The following DNAH14 variants were observed in gnomAD, a reference collection of about 807,000 sequenced individuals.
The protein encoded by DNAH14 is dynein axonemal heavy chain 14, also known as axonemal beta dynein heavy chain 14.
In DNAH14, 478 loss-of-function variants were observed where a neutral mutation model predicts 520.9. The ratio of observed to expected loss-of-function variants is 0.92; its 90% CI spans 0.85 to 0.99. The LOEUF (loss-of-function observed/expected upper bound fraction) is 0.99. DNAH14 is among the 50% of genes least tolerant of loss of function. The pLI is 0.00. For missense variants in DNAH14, 4,831 were observed against 5,234.5 expected, an observed-to-expected ratio of 0.92 and a Z score of 2.38; for synonymous variants, 1,581 against 1,757.2, an observed-to-expected ratio of 0.90 and a Z score of 2.51.
At chr1:225,263,876 G>T (rs1044439946) in intron 46 of DNAH14, among the ~76,000 whole-genome samples, 1 of 152,064 alleles carries the variant, frequency 6.6e-6, no homozygotes, top group African/African-American at 2.4e-5. Context: ...ATGGGTCTTT[G>T]CTGAGTGATC....
intron 77 of DNAH14, 94 bp downstream of exon 77, chr1:225,368,126 C>A: frequency 9.0e-7 from 1 of 1,108,400 alleles, no homozygotes; most frequent in Non-Finnish European, 1.3e-6. Context: ...GAGTGTTTTA[C>A]ATGGTGGTAA....
At chr1:225,071,968 C>T (rs187313188) in intron 17 of DNAH14, among the ~76,000 whole-genome samples, 26 of 152,108 alleles carry the variant, frequency 1.7e-4, no homozygotes, top group Admixed American at 9.8e-4. Context: ...ACCATATCAC[C>T]GCCTTTAACA....
intron 34 of DNAH14, among the ~76,000 whole-genome samples, chr1:225,155,283 T>C (rs551279350): frequency 2.1e-4 from 32 of 152,260 alleles, no homozygotes; most frequent in Non-Finnish European, 3.4e-4. Context: ...AAAGGATCTA[T>C]CAACATGATA....
chr1:225,027,409 C>G lies in DNAH14; in HGVS notation c.1358+3544C>G, dbSNP rs116035501. Reference sequence around the variant, plus strand: ...TGGGTTTTTCACAGATGCTTCCTATCAAGTTGAGGAAGTTCCTGTCTGTAT... The same window carrying G: ...TGGGTTTTTCACAGATGCTTCCTATGAAGTTGAGGAAGTTCCTGTCTGTAT... On this transcript the variant is annotated intron_variant, in intron 11 of 85. Coordinates refer to ENST00000682510, the MANE Select transcript of DNAH14 (RefSeq NM_001367479.1). Among the ~76,000 whole-genome samples, 292 of 152,144 alleles carry G rather than the reference C, an allele frequency of 1.9e-3. 1 individual carries two copies. The highest frequency in any genetic ancestry group is 3.2e-3 in the Non-Finnish European group (215 of 67,990).
intron 36 of DNAH14, among the ~76,000 whole-genome samples, chr1:225,177,327 A>G (rs2083442826): frequency 6.6e-6 from 1 of 152,288 alleles, no homozygotes; most frequent in Non-Finnish European, 1.5e-5. Flanking sequence ...ATTCCATTTT[A>G]TAAGGGAAGC....
chr1:225,272,807 A>G, intron 51 of DNAH14, 148 bp from the exon 52 acceptor site: 1 of 805,260 alleles, frequency 1.2e-6, no homozygotes, highest in South Asian at 2.0e-5. Context: ...TCAAAGCTTC[A>G]GATTATCACT....
chr1:225,102,627 T>G lies in DNAH14; in HGVS notation c.3867+1743T>G, dbSNP rs2075609714. Among the ~76,000 whole-genome samples the G allele has an allele frequency of 3.9e-5, 6 of 152,346 alleles. No individual in the cohort carries two copies. In the South Asian group the frequency reaches 1.2e-3, roughly 32 times the overall value. On this transcript the variant is annotated intron_variant, in intron 23 of 85. Transcript: ENST00000682510. Reference sequence around the variant, plus strand: ...ATCTCATTGTGGTTTAGATTTGCATTTCTCTGATGGCCAGTGATGATGAGC... The same window carrying G: ...ATCTCATTGTGGTTTAGATTTGCATGTCTCTGATGGCCAGTGATGATGAGC...
At chr1:225,220,741 A>T (rs1229764124) in intron 41 of DNAH14, among the ~76,000 whole-genome samples, 30 of 152,302 alleles carry the variant, frequency 2.0e-4, no homozygotes, top group African/African-American at 7.0e-4. Context: ...AATAATTTAT[A>T]GATTCAATGC....
At chr1:225,007,737 A>G (rs1157903508) in intron 10 of DNAH14, among the ~76,000 whole-genome samples, 193 bp downstream of exon 10, 1 of 151,876 alleles carries the variant, frequency 6.6e-6, no homozygotes, top group East Asian at 1.9e-4. Flanking sequence ...AATGCAAATA[A>G]ATATATATTT....
intron 48 of DNAH14, among the ~76,000 whole-genome samples, chr1:225,266,416 TCTG>T (rs1298599439): frequency 1.3e-5 from 2 of 152,174 alleles, no homozygotes. Context: ...GAATAGAGTG[TCTG>T]CTATTTTGAA....
intron 1 of DNAH14, among the ~76,000 whole-genome samples, chr1:224,933,025 G>A (rs976734359): frequency 8.6e-5 from 13 of 151,958 alleles, no homozygotes; most frequent in African/African-American, 2.2e-4. Flanking sequence ...TTGGCAATAC[G>A]GTCATTTAAA....
At chr1:225,320,528 C>A (rs2094539310) in intron 61 of DNAH14, among the ~76,000 whole-genome samples, 1 of 152,156 alleles carries the variant, frequency 6.6e-6, no homozygotes, top group South Asian at 2.1e-4. Flanking sequence ...TCCAAAATGC[C>A]ACACAAATGA....
intron 10 of DNAH14, among the ~76,000 whole-genome samples, chr1:225,008,409 G>A (rs1558664958): frequency 6.6e-6 from 1 of 151,994 alleles, no homozygotes; most frequent in Non-Finnish European, 1.5e-5. Flanking sequence ...CTTTATAGTA[G>A]AATGATTTAT....
intron 35 of DNAH14, among the ~76,000 whole-genome samples, chr1:225,163,815 C>CT (rs984056217): frequency 6.6e-5 from 10 of 152,040 alleles, no homozygotes; most frequent in Admixed American, 2.6e-4. Context: ...CTATAGTCTT[C>CT]TTTTTTTGAT....
intron 21 of DNAH14, among the ~76,000 whole-genome samples, chr1:225,094,702 A>AC (rs1553442872): frequency 0.12 from 17,295 of 147,622 alleles, 3,291 homozygotes; most frequent in African/African-American, 0.4. Context: ...AAACAAAAAA[A>AC]CGCTATCAAC....
At chr1:225,072,293 A>G (rs1437227854) in intron 17 of DNAH14, among the ~76,000 whole-genome samples, 1 of 152,146 alleles carries the variant, frequency 6.6e-6, no homozygotes, top group Admixed American at 6.5e-5. Context: ...GCAGTCTTCA[A>G]GCTCTGAGAT....
At chr1:225,321,701 C>T (rs2094557833) in intron 61 of DNAH14, among the ~76,000 whole-genome samples, 1 of 152,150 alleles carries the variant, frequency 6.6e-6, no homozygotes, top group Non-Finnish European at 1.5e-5. Context: ...CTTTCCAAAG[C>T]ATCAACTTCT....
At chr1:225,066,794 C>T (rs1178789827) in intron 17 of DNAH14, among the ~76,000 whole-genome samples, 2 of 152,044 alleles carry the variant, frequency 1.3e-5, no homozygotes, top group South Asian at 2.1e-4. Flanking sequence ...TAATGGCCTC[C>T]AGTTCCATCC....
intron 65 of DNAH14, 131 bp from the exon 66 acceptor site, chr1:225,333,160 T>C: frequency 1.4e-6 from 1 of 726,064 alleles, no homozygotes; most frequent in Non-Finnish European, 2.1e-6. Context: ...ATTATTAACT[T>C]TGATACAGCC....
Sources: allele counts gnomAD v4.1 joint callset (sites outside exome capture counted in the v4.1 genomes callset), GRCh38; gene constraint gnomAD v4.1.1; transcripts MANE v1.5; gene names NCBI Gene and HGNC (gene_info 2026-07-23, HGNC 2026-07-21).